Variants in MAOA observed in about 807,000 individuals in gnomAD.
MAOA encodes the protein amine oxidase [flavin-containing] A.
MAOA carries 6 observed loss-of-function variants against 42.0 expected under a neutral mutation model. That is an observed-to-expected ratio of 0.14 (90% CI 0.08 to 0.28). The LOEUF is 0.28. MAOA is among the 10% of genes least tolerant of loss of function. The probability of loss-of-function intolerance (pLI) is 1.00; values close to 1 mark genes in which losing one functional copy is unlikely to be tolerated. For missense variants in MAOA, 262 were observed against 422.3 expected (o/e 0.62, Z 3.33); for synonymous variants, 140 against 154.0 (o/e 0.91, Z 0.67).
At chrX:43,732,345 A>G (rs1038775085) in intron 8 of MAOA, among the ~76,000 whole-genome samples, 7 of 111,445 alleles carry the variant, frequency 6.3e-5, no homozygotes, top group Non-Finnish European at 1.3e-4. Context: ...GGTTATACTC[A>G]TCGGATTCCC....
chrX:43,656,462 G>A, intron 1 of MAOA, 48 bp downstream of exon 1: 2 of 1,088,731 alleles, frequency 1.8e-6, no homozygotes, highest in Non-Finnish European at 2.6e-6. Flanking sequence ...GCCAGTGAGG[G>A]GTAGGGGAAC....
At chrX:43,712,970 T>A (rs2033711379) in intron 5 of MAOA, among the ~76,000 whole-genome samples, 174 bp downstream of exon 5, 1 of 112,342 alleles carries the variant, frequency 8.9e-6, no homozygotes, top group Admixed American at 9.5e-5. Context: ...GAACAGAAAA[T>A]GAATCTAAAA....
intron 2 of MAOA, among the ~76,000 whole-genome samples, chrX:43,686,618 G>A (rs1346102371): frequency 1.8e-5 from 2 of 111,237 alleles, no homozygotes; most frequent in African/African-American, 6.5e-5. Flanking sequence ...GGGAAACATG[G>A]TGAAACCCCA....
chrX:43,726,826 G>A (rs1032239553), intron 5 of MAOA, among the ~76,000 whole-genome samples: 4 of 111,874 alleles, frequency 3.6e-5, no homozygotes, highest in African/African-American at 1.3e-4. Flanking sequence ...TCTACCTTTG[G>A]TCTTTGATGT....
At chrX:43,683,905 G>A (rs941641614) in intron 2 of MAOA, among the ~76,000 whole-genome samples, 46 of 110,270 alleles carry the variant, frequency 4.2e-4, no homozygotes, top group African/African-American at 1.5e-3. Flanking sequence ...TGTCTCAGAT[G>A]GGGTGATAGT....
intron 5 of MAOA, among the ~76,000 whole-genome samples, chrX:43,721,499 A>G (rs764793056): frequency 1.0e-3 from 115 of 110,659 alleles, no homozygotes; most frequent in Non-Finnish European, 1.4e-3. Flanking sequence ...CATTGGCTAT[A>G]GTGTGGAGGA....
At chrX:43,697,867 A>G (rs1171879729) in intron 3 of MAOA, among the ~76,000 whole-genome samples, 6 of 112,226 alleles carry the variant, frequency 5.3e-5, no homozygotes, top group African/African-American at 9.7e-5. Context: ...ATTTAGTTCA[A>G]TATTCCAGAT....
Position 43,656,354 on chromosome X carries a change from G to A in MAOA, c.13G>A (p.Glu5Lys), listed in dbSNP as rs775694295. Residue 5 changes from glutamate to lysine, a missense_variant, in exon 1 of 15, where the codon GAG (glutamate) becomes AAG (lysine). Coordinates refer to ENST00000338702, the MANE Select transcript of MAOA (RefSeq NM_000240.4). ...TGTCAGCCAAAGCATGGAGAATCAA[G>A]AGAAGGCGAGTATCGCGGGCCACAT... MENQ[E>K]KASIAGHMFD... 2 of 1,210,195 alleles carry A rather than the reference G, an allele frequency of 1.7e-6. No homozygotes were observed. Among genetic ancestry groups the A allele is most frequent in the African/African-American group, 3.5e-5 (2 of 57,376 alleles).
At chrX:43,666,169 C>T (rs1019286032) in intron 1 of MAOA, among the ~76,000 whole-genome samples, 9 of 112,021 alleles carry the variant, frequency 8.0e-5, no homozygotes, top group African/African-American at 2.9e-4. Context: ...GGCACTGCAA[C>T]GTGCAGGCTC....
At chrX:43,679,763 T>C (rs2033428492) in intron 1 of MAOA, among the ~76,000 whole-genome samples, 2 of 111,982 alleles carry the variant, frequency 1.8e-5, no homozygotes, top group South Asian at 7.5e-4. Flanking sequence ...GATAAAACTT[T>C]TGCATCTGAG....
In MAOA at chrX:43,732,812, T is replaced by G. The variant is rs2033892934; in HGVS notation, c.1052+17T>G. Reference sequence around the variant, plus strand: ...CATCATGGGGTAGGTTAGAGCAGGGTGTTCTGCATTTTCCAAATTGTGTTG... The same window carrying G: ...CATCATGGGGTAGGTTAGAGCAGGGGGTTCTGCATTTTCCAAATTGTGTTG... On this transcript the variant is annotated intron_variant, in intron 9 of 14. Transcript: ENST00000338702. The G allele has an allele frequency of 1.2e-5, 13 of 1,107,163 alleles. No individual in the cohort carries two copies. The East Asian group carries it at 3.9e-4, about 33-fold the overall frequency. 91.2% of individuals were successfully genotyped at this position (1,107,163 alleles called of 1,213,427 possible).
In MAOA at chrX:43,690,960, A is replaced by G. The variant is rs775649928; in HGVS notation, c.169-2331A>G. ...AGAAGGGGTAAAAAGGGAATAAATC[A>G]ATGATGTAGAAAATAGACACCCAAC... On this transcript the variant is annotated intron_variant, in intron 2 of 14. Coordinates refer to ENST00000338702, the MANE Select transcript of MAOA (RefSeq NM_000240.4). Among the ~76,000 whole-genome samples, 3 of 111,856 alleles carry G rather than the reference A, an allele frequency of 2.7e-5. No homozygotes were observed. The East Asian group carries it at 8.4e-4, about 31-fold the overall frequency.
At chrX:43,714,953 A>G (rs2033730349) in intron 5 of MAOA, among the ~76,000 whole-genome samples, 1 of 110,336 alleles carries the variant, frequency 9.1e-6, no homozygotes, top group Non-Finnish European at 1.9e-5. Flanking sequence ...TTTTCCAGCA[A>G]TGACCCAGAG....
chrX:43,706,178 A>G (rs143519471), intron 3 of MAOA, among the ~76,000 whole-genome samples: 52 of 112,167 alleles, frequency 4.6e-4, no homozygotes, highest in African/African-American at 1.6e-3. Flanking sequence ...GAATATACCA[A>G]AGACCATTGA....
chrX:43,695,621 A>G (rs1437001058), intron 3 of MAOA, among the ~76,000 whole-genome samples: 1 of 111,699 alleles, frequency 9.0e-6, no homozygotes, highest in Non-Finnish European at 1.9e-5. Context: ...AGTCCCAGCT[A>G]TTTGGGAGGC....
At chrX:43,724,652 GT>G (rs2033817915) in intron 5 of MAOA, among the ~76,000 whole-genome samples, 1 of 111,191 alleles carries the variant, frequency 9.0e-6, no homozygotes, top group East Asian at 2.8e-4. Context: ...TTTTTGAAGG[GT>G]TTTTTGTGTC....
At chrX:43,714,302 G>A (rs2033721573) in intron 5 of MAOA, among the ~76,000 whole-genome samples, 1 of 111,060 alleles carries the variant, frequency 9.0e-6, no homozygotes, top group Admixed American at 9.5e-5. Context: ...ACAGGGATTA[G>A]GGGGAGATAG....
intron 5 of MAOA, among the ~76,000 whole-genome samples, chrX:43,714,781 T>A (rs1475443219): frequency 1.9e-5 from 1 of 52,962 alleles, no homozygotes; most frequent in Non-Finnish European, 3.6e-5. Flanking sequence ...AGTGTGTGTG[T>A]GTGGTGGGGA....
chrX:43,679,677 C>G (rs935506487), intron 1 of MAOA, among the ~76,000 whole-genome samples: 3 of 111,219 alleles, frequency 2.7e-5, no homozygotes, highest in Admixed American at 9.6e-5. Context: ...GCTGCCAGAG[C>G]AATTCCAGTA....
Sources: allele counts gnomAD v4.1 joint callset (sites outside exome capture counted in the v4.1 genomes callset), GRCh38; gene constraint gnomAD v4.1.1; transcripts MANE v1.5; gene names NCBI Gene and HGNC (gene_info 2026-07-23, HGNC 2026-07-21).